The following XRCC4 variants were observed in gnomAD, a reference collection of about 807,000 sequenced individuals.
XRCC4 encodes DNA repair protein XRCC4.
Under a neutral mutation model 39.1 loss-of-function variants are expected in XRCC4, and 28 were observed. The ratio of observed to expected loss-of-function variants is 0.72; its 90% CI spans 0.53 to 0.98. The LOEUF is 0.98. Among genes scored for constraint, XRCC4 ranks in the 50% least tolerant of loss-of-function variants. The probability of loss-of-function intolerance (pLI) is 0.00; values close to 1 mark genes in which losing one functional copy is unlikely to be tolerated. For synonymous variants in XRCC4, 123 were observed against 126.4 expected, an observed-to-expected ratio of 0.97 and a Z score of 0.18; for missense variants, 350 against 376.4, an observed-to-expected ratio of 0.93 and a Z score of 0.58.
At chr5:83,191,809 G>T (rs983519524) in intron 3 of XRCC4, among the ~76,000 whole-genome samples, 2 of 152,124 alleles carry the variant, frequency 1.3e-5, no homozygotes, top group Admixed American at 6.6e-5. Flanking sequence ...TGATTGAGAG[G>T]CCTCCCCAGC....
the XRCC4 span, among the ~76,000 whole-genome samples, chr5:83,365,258 G>A: frequency 2.6e-5 from 4 of 152,178 alleles, no homozygotes; most frequent in Non-Finnish European, 5.9e-5. Context: ...ATCTTCAGTG[G>A]ACTCTCTGGG....
intron 6 of XRCC4, among the ~76,000 whole-genome samples, chr5:83,221,102 G>A (rs1752067774): frequency 6.6e-6 from 1 of 152,058 alleles, no homozygotes; most frequent in Admixed American, 6.5e-5. Context: ...TGATACTGAT[G>A]ATAATGAGTA....
At chr5:83,147,785 A>G (rs983830599) in intron 3 of XRCC4, among the ~76,000 whole-genome samples, 23 of 135,430 alleles carry the variant, frequency 1.7e-4, no homozygotes, top group Non-Finnish European at 2.5e-4. Context: ...ATGTATATAT[A>G]TTTCTTTTCT....
At chr5:83,091,432 C>G (rs1745423355) in intron 1 of XRCC4, among the ~76,000 whole-genome samples, 1 of 152,136 alleles carries the variant, frequency 6.6e-6, no homozygotes, top group Non-Finnish European at 1.5e-5. Flanking sequence ...CCAATCACCT[C>G]CCACCAGGTC....
rs370779284 is a variant in XRCC4, at chr5:83,079,447, T to C, written c.-11+1832T>C. Among the ~76,000 whole-genome samples, 6 of 152,196 alleles carry C rather than the reference T, an allele frequency of 3.9e-5. No homozygotes were observed. The East Asian group carries it at 7.7e-4, about 20-fold the overall frequency. On this transcript the variant is annotated intron_variant, in intron 1 of 7. Transcript: ENST00000396027. ...TAAAATCTTTCTGGCAGCTTTGCAGTGAATCCTCATTTAAAACCATCTTGG... is the reference window on the plus strand; with the variant it reads ...TAAAATCTTTCTGGCAGCTTTGCAGCGAATCCTCATTTAAAACCATCTTGG...
chr5:83,281,320 A>C (rs953988950), intron 7 of XRCC4, among the ~76,000 whole-genome samples: 1 of 152,128 alleles, frequency 6.6e-6, no homozygotes, highest in Non-Finnish European at 1.5e-5. Context: ...ATCAGTGTCA[A>C]GTCTTTTTAA....
chr5:83,131,339 A>G (rs1747569041), intron 3 of XRCC4, among the ~76,000 whole-genome samples: 1 of 151,864 alleles, frequency 6.6e-6, no homozygotes, highest in South Asian at 2.1e-4. Flanking sequence ...GGTTCTGAGA[A>G]GAATGTATAT....
intron 3 of XRCC4, among the ~76,000 whole-genome samples, chr5:83,143,524 T>C (rs1748285306): frequency 6.6e-6 from 1 of 152,196 alleles, no homozygotes; most frequent in Admixed American, 6.5e-5. Flanking sequence ...GTATTTCCAT[T>C]TCTTTTGCTT....
At chr5:83,186,874 C>T (rs1044662149) in intron 3 of XRCC4, among the ~76,000 whole-genome samples, 3 of 152,082 alleles carry the variant, frequency 2.0e-5, no homozygotes, top group African/African-American at 7.2e-5. Context: ...TACAGGAGAA[C>T]CCATTGTCTT....
intron 7 of XRCC4, among the ~76,000 whole-genome samples, chr5:83,261,160 A>G (rs527470156): frequency 6.1e-4 from 92 of 151,052 alleles, no homozygotes; most frequent in Non-Finnish European, 9.7e-4. Flanking sequence ...TTTTAATGAA[A>G]AAAAGAAGCT....
intron 3 of XRCC4, among the ~76,000 whole-genome samples, chr5:83,160,159 A>G (rs1489297548): frequency 6.6e-6 from 1 of 152,206 alleles, no homozygotes; most frequent in Non-Finnish European, 1.5e-5. Context: ...GAACAATTAA[A>G]TTTATCAAAT....
At chr5:83,217,289 A>G (rs1242801619) in intron 6 of XRCC4, among the ~76,000 whole-genome samples, 4 of 148,418 alleles carry the variant, frequency 2.7e-5, no homozygotes, top group African/African-American at 5.0e-5. Context: ...CCTGGGAGGC[A>G]GAGGTTGCAG....
chr5:83,145,897 A>T (rs1748430790), intron 3 of XRCC4, among the ~76,000 whole-genome samples: 1 of 149,430 alleles, frequency 6.7e-6, no homozygotes, highest in Non-Finnish European at 1.5e-5. Flanking sequence ...CTGAGTTTAT[A>T]ATTGTTATCT....
intron 7 of XRCC4, among the ~76,000 whole-genome samples, chr5:83,274,600 G>A (rs1754260971): frequency 6.6e-6 from 1 of 152,174 alleles, no homozygotes; most frequent in African/African-American, 2.4e-5. Flanking sequence ...TAATTAAGGT[G>A]ATGCAAAAGA....
At chr5:83,218,371 T>A (rs1452289831) in intron 6 of XRCC4, among the ~76,000 whole-genome samples, 1 of 151,700 alleles carries the variant, frequency 6.6e-6, no homozygotes, top group African/African-American at 2.4e-5. Context: ...ATGTGAGAAA[T>A]CCTGTGTTAG....
Position 83,187,082 on chromosome 5 carries a change from C to T in XRCC4, c.316-8688C>T, listed in dbSNP as rs1240260251. Among the ~76,000 whole-genome samples, 6 of 106,216 alleles carry T rather than the reference C, an allele frequency of 5.6e-5. 2 individuals carry two copies. The highest frequency in any genetic ancestry group is 1.6e-4 in the Admixed American group (2 of 12,140). The allele number at this position is 106,216 out of a possible 152,430, so 69.7% of individuals were successfully genotyped here. On this transcript the variant is annotated intron_variant, in intron 3 of 7. Transcript: ENST00000396027. The stretch of plus-strand genomic sequence containing the variant: ...CCTCAGCCTCCCGAGTAGCCGGGAC[C>T]ACAGGCGCCCGCCACCACGCCCGGC...
chr5:83,160,399 G>A (rs528235631), intron 3 of XRCC4, among the ~76,000 whole-genome samples: 1 of 152,040 alleles, frequency 6.6e-6, no homozygotes, highest in Non-Finnish European at 1.5e-5. Context: ...TTTTGTATGT[G>A]CAGTATCTGT....
intron 7 of XRCC4, among the ~76,000 whole-genome samples, chr5:83,351,261 C>A (rs946610119): frequency 4.6e-5 from 7 of 152,164 alleles, no homozygotes; most frequent in African/African-American, 1.7e-4. Context: ...AACCTCTTTT[C>A]TTTATAAATT....
intron 6 of XRCC4, among the ~76,000 whole-genome samples, chr5:83,256,603 A>AAC (rs1753549049): frequency 6.6e-6 from 1 of 151,942 alleles, no homozygotes; most frequent in Admixed American, 6.6e-5. Context: ...CTCTTAGCTT[A>AAC]ACAGCATTGG....
Sources: allele counts gnomAD v4.1 joint callset (sites outside exome capture counted in the v4.1 genomes callset), GRCh38; gene constraint gnomAD v4.1.1; transcripts MANE v1.5; gene names NCBI Gene and HGNC (gene_info 2026-07-23, HGNC 2026-07-21).